The following PIP5K1B variants were observed in gnomAD, a reference collection of about 807,000 sequenced individuals.
PIP5K1B encodes phosphatidylinositol-4-phosphate 5-kinase type 1 beta, also known as phosphatidylinositol 4-phosphate 5-kinase type-1 beta.
In PIP5K1B, 42 loss-of-function variants were observed where a neutral mutation model predicts 67.0. That is an observed-to-expected ratio of 0.63 (90% CI 0.49 to 0.81). PIP5K1B has a LOEUF of 0.81. Ranked by LOEUF, PIP5K1B falls within the 30% of genes least tolerant of loss-of-function variation. The pLI, the probability that PIP5K1B is intolerant of heterozygous loss-of-function variation, is 0.00. For missense variants in PIP5K1B, 459 were observed against 646.3 expected (o/e 0.71, Z 3.14); for synonymous variants, 214 against 231.4 (o/e 0.92, Z 0.68).
At chr9:68,712,506 A>G (rs1424484996) in intron 1 of PIP5K1B, among the ~76,000 whole-genome samples, 1 of 152,252 alleles carries the variant, frequency 6.6e-6, no homozygotes, top group African/African-American at 2.4e-5. Flanking sequence ...GGCAGAGGCC[A>G]TGGTTCATAA....
chr9:68,788,912 A>T, intron 2 of PIP5K1B: 1 of 275,248 alleles, frequency 3.6e-6, no homozygotes, highest in Non-Finnish European at 7.1e-6. Context: ...TTCCATCAAG[A>T]GGGATGAAAG....
At chr9:68,864,069 A>ATAT in intron 5 of PIP5K1B, 102 bp downstream of exon 5, 1 of 1,104,732 alleles carries the variant, frequency 9.1e-7, no homozygotes, top group Admixed American at 2.2e-5. Flanking sequence ...TTATATGTAC[A>ATAT]GATGTGAATA....
chr9:68,919,621 A>G, intron 10 of PIP5K1B, 59 bp downstream of exon 10: 1 of 1,413,344 alleles, frequency 7.1e-7, no homozygotes, highest in African/African-American at 1.4e-5. Flanking sequence ...AAAGGTTCTG[A>G]AAAATCACCA....
chr9:68,953,805 TAAAAAAAAA>T (rs71353095), intron 14 of PIP5K1B, among the ~76,000 whole-genome samples: 2 of 108,608 alleles, frequency 1.8e-5, no homozygotes, highest in African/African-American at 3.4e-5. Flanking sequence ...GACTCTGTCT[TAAAAAAAAA>T]AAAAAAAAAA....
intron 4 of PIP5K1B, among the ~76,000 whole-genome samples, chr9:68,861,332 C>T (rs1823058626): frequency 6.6e-6 from 1 of 152,118 alleles, no homozygotes; most frequent in African/African-American, 2.4e-5. Flanking sequence ...CACTCCAGAC[C>T]TTTGGAATCA....
intron 1 of PIP5K1B, among the ~76,000 whole-genome samples, chr9:68,710,956 G>T (rs1212646930): frequency 1.3e-5 from 2 of 152,190 alleles, no homozygotes; most frequent in Non-Finnish European, 2.9e-5. Flanking sequence ...GTTTTAAAAT[G>T]GGTGTGTATG....
chr9:68,919,972 C>A (rs1478232598), intron 11 of PIP5K1B, among the ~76,000 whole-genome samples: 1 of 152,164 alleles, frequency 6.6e-6, no homozygotes, highest in Non-Finnish European at 1.5e-5. Flanking sequence ...ATATCTGTGT[C>A]TATGTGAAAT....
At chr9:68,831,627 GGTCA>G (rs1834326061) in intron 4 of PIP5K1B, among the ~76,000 whole-genome samples, 1 of 152,120 alleles carries the variant, frequency 6.6e-6, no homozygotes, top group Non-Finnish European at 1.5e-5. Context: ...TAGTAGCAGG[GGTCA>G]GTAAGATAAA....
At chr9:68,932,794 C>T (rs1827064922) in intron 12 of PIP5K1B, among the ~76,000 whole-genome samples, 1 of 152,096 alleles carries the variant, frequency 6.6e-6, no homozygotes, top group African/African-American at 2.4e-5. Flanking sequence ...ATCTGAGATC[C>T]TCTGATTTAG....
intron 1 of PIP5K1B, among the ~76,000 whole-genome samples, chr9:68,740,586 C>T (rs1375707950): frequency 1.3e-5 from 2 of 152,182 alleles, no homozygotes; most frequent in Non-Finnish European, 2.9e-5. Flanking sequence ...TGCGGGAGTT[C>T]AAACTTCATA....
chr9:68,906,518 G>C (rs921104373), intron 8 of PIP5K1B, among the ~76,000 whole-genome samples: 11 of 152,130 alleles, frequency 7.2e-5, no homozygotes, highest in South Asian at 2.1e-4. Flanking sequence ...ATACATCTGC[G>C]AACTTTCTAC....
intron 14 of PIP5K1B, among the ~76,000 whole-genome samples, chr9:68,974,875 A>G (rs183214436): frequency 6.6e-6 from 1 of 152,362 alleles, no homozygotes. Context: ...TGACTGAAGG[A>G]TACCACTTAC....
intron 8 of PIP5K1B, among the ~76,000 whole-genome samples, chr9:68,912,401 C>A (rs1825899721): frequency 6.6e-6 from 1 of 151,870 alleles, no homozygotes; most frequent in Admixed American, 6.6e-5. Context: ...GTGGAAAAGT[C>A]AAATAGACAA....
Position 69,007,677 on chromosome 9 carries a change from G to A in PIP5K1B, c.1621-770G>A, listed in dbSNP as rs190621358. ...TCAAGACCATCCTGGCTAACACAGT[G>A]AAACCCCATCTCTACTAAAAATACA... On this transcript the variant is annotated intron_variant, in intron 15 of 15. Coordinates refer to ENST00000265382, the MANE Select transcript of PIP5K1B (RefSeq NM_003558.4). 4.5e-4 allele frequency among the ~76,000 whole-genome samples: 68 copies of A among 152,178 alleles called. No homozygotes were observed. In the East Asian group the frequency reaches 0.012, roughly 27 times the overall value.
intron 4 of PIP5K1B, among the ~76,000 whole-genome samples, chr9:68,832,723 C>A (rs1834385553): frequency 6.6e-6 from 1 of 152,196 alleles, no homozygotes; most frequent in Non-Finnish European, 1.5e-5. Context: ...GGTTCAATTA[C>A]TAGGAGACTT....
At position 68,915,005 on chromosome 9, in the gene PIP5K1B, A is replaced by G. The variant is rs567607744; in HGVS notation, c.772-2543A>G. ...GAGGGATGAGTCACCGTGAATTATA[A>G]TCATAGTGATAAGAGCTAGCAATTA... On this transcript the variant is annotated intron_variant, in intron 8 of 15. Coordinates refer to ENST00000265382, the MANE Select transcript of PIP5K1B (RefSeq NM_003558.4). Among the ~76,000 whole-genome samples, 3 of 152,348 alleles carry G rather than the reference A, an allele frequency of 2.0e-5. No individual in the cohort carries two copies. The South Asian group carries it at 6.2e-4, about 32-fold the overall frequency.
intron 11 of PIP5K1B, among the ~76,000 whole-genome samples, chr9:68,920,933 A>G (rs966403732): frequency 4.6e-5 from 7 of 152,172 alleles, no homozygotes; most frequent in African/African-American, 1.7e-4. Flanking sequence ...TATTTTGGTC[A>G]AGGATTTGGT....
chr9:68,819,080 A>G (rs993904888), intron 3 of PIP5K1B, among the ~76,000 whole-genome samples: 1 of 152,198 alleles, frequency 6.6e-6, no homozygotes, highest in African/African-American at 2.4e-5. Context: ...TGAACAATTC[A>G]GTGTTCATTT....
At chr9:68,820,676 A>G (rs775710622) in intron 3 of PIP5K1B, among the ~76,000 whole-genome samples, 1 of 152,158 alleles carries the variant, frequency 6.6e-6, no homozygotes, top group Admixed American at 6.5e-5. Context: ...CAGAAATTTT[A>G]CCCTTCCTTG....
Sources: gnomAD v4.1 joint callset for allele counts (sites outside exome capture counted in the v4.1 genomes callset) on GRCh38, gnomAD v4.1.1 for gene constraint, MANE v1.5 for transcripts, NCBI Gene and HGNC (gene_info 2026-07-23, HGNC 2026-07-21) for gene names.